Variants in MGST2 observed in about 807,000 individuals in gnomAD.
The protein encoded by MGST2 is microsomal glutathione S-transferase 2.
Under a neutral mutation model 16.6 loss-of-function variants are expected in MGST2, and 9 were observed. That is an observed-to-expected ratio of 0.54 (90% CI 0.33 to 0.95). The LOEUF (loss-of-function observed/expected upper bound fraction) is 0.95. Ranked by LOEUF, MGST2 falls within the 40% of genes least tolerant of loss-of-function variation. The pLI, the probability that MGST2 is intolerant of heterozygous loss-of-function variation, is 0.03. For missense variants in MGST2, 159 were observed against 175.1 expected (o/e 0.91, Z 0.52); for synonymous variants, 79 against 68.0 (o/e 1.16, Z -0.79).
intron 5 of MGST2, among the ~76,000 whole-genome samples, chr4:139,730,117 C>T (rs1164625562): frequency 6.6e-6 from 1 of 152,184 alleles, no homozygotes; most frequent in African/African-American, 2.4e-5. Context: ...TTACACAGAC[C>T]CCTGTACCAG....
chr4:139,674,577 C>A (rs1470454856), intron 1 of MGST2, among the ~76,000 whole-genome samples: 1 of 151,194 alleles, frequency 6.6e-6, no homozygotes, highest in African/African-American at 2.4e-5. Context: ...GTCAGGAGTT[C>A]AAGACCAGCC....
intron 5 of MGST2, chr4:139,730,400 C>G: frequency 6.5e-7 from 1 of 1,547,474 alleles, no homozygotes; most frequent in Non-Finnish European, 8.7e-7. Context: ...ATGAATCACG[C>G]CAAGGGGCAT....
intron 3 of MGST2, among the ~76,000 whole-genome samples, chr4:139,696,351 C>G (rs911069943): frequency 7.2e-5 from 11 of 152,104 alleles, no homozygotes; most frequent in African/African-American, 2.7e-4. Context: ...TCCACTGTTA[C>G]GTTTAGTTTC....
chr4:139,720,764 G>C (rs1728202839), intron 5 of MGST2, among the ~76,000 whole-genome samples: 1 of 152,174 alleles, frequency 6.6e-6, no homozygotes, highest in African/African-American at 2.4e-5. Context: ...TATTTTCTTT[G>C]GAGGTGAGAG....
chr4:139,719,391 A>T (rs1357707644), intron 5 of MGST2: 1 of 1,613,186 alleles, frequency 6.2e-7, no homozygotes, highest in Non-Finnish European at 8.5e-7. Context: ...TTGATGATGG[A>T]GTCCACAAGG....
intron 2 of MGST2, among the ~76,000 whole-genome samples, chr4:139,693,655 C>T (rs1437996735): frequency 1.3e-5 from 2 of 152,134 alleles, no homozygotes; most frequent in Non-Finnish European, 2.9e-5. Context: ...GAAGCAAAAT[C>T]ATGCCAAGAA....
At chr4:139,696,246 T>A (rs778168208) in intron 3 of MGST2, among the ~76,000 whole-genome samples, 11 of 152,144 alleles carry the variant, frequency 7.2e-5, no homozygotes, top group Non-Finnish European at 1.5e-4. Context: ...GAGACAGAAT[T>A]GGCAGGCGCA....
the MGST2 span, among the ~76,000 whole-genome samples, chr4:139,746,599 C>G: frequency 6.6e-6 from 1 of 152,164 alleles, no homozygotes; most frequent in African/African-American, 2.4e-5. Context: ...CCATCTGTCT[C>G]TCTCGCTCTG....
intron 5 of MGST2, chr4:139,730,832 GACC>G (rs1397744063): frequency 1.6e-6 from 1 of 634,844 alleles, no homozygotes; most frequent in African/African-American, 1.8e-5. Context: ...CTTCAAACCC[GACC>G]TTACCTGAGT....
intron 5 of MGST2, among the ~76,000 whole-genome samples, chr4:139,728,709 G>T (rs1047264962): frequency 6.6e-6 from 1 of 152,154 alleles, no homozygotes; most frequent in Non-Finnish European, 1.5e-5. Flanking sequence ...CCATGCTCTG[G>T]ATTCTGAGGG....
At chr4:139,718,635 A>T (rs1728093243) in intron 5 of MGST2, 1 of 152,214 alleles carries the variant, frequency 6.6e-6, no homozygotes, top group Admixed American at 6.5e-5. Context: ...CCTGCTCCAA[A>T]CTCAGCCTGC....
chr4:139,737,136 C>A (rs987689649), intron 5 of MGST2, among the ~76,000 whole-genome samples: 1 of 152,010 alleles, frequency 6.6e-6, no homozygotes, highest in Non-Finnish European at 1.5e-5. Context: ...ATCAGACATC[C>A]CTAGACTTAC....
chr4:139,738,694 A>G (rs1398994233), intron 5 of MGST2, among the ~76,000 whole-genome samples: 1 of 152,160 alleles, frequency 6.6e-6, no homozygotes, highest in Non-Finnish European at 1.5e-5. Flanking sequence ...GCAGAAAAGT[A>G]TAGATAGAAA....
chr4:139,703,963 C>T lies in MGST2; in HGVS notation c.312-53C>T, dbSNP rs886406831. 5 of 1,610,426 alleles carry T rather than the reference C, an allele frequency of 3.1e-6. No homozygotes were observed. The Admixed American group carries it at 8.3e-5, about 27-fold the overall frequency. On this transcript the variant is annotated intron_variant, in intron 4 of 4. Coordinates refer to ENST00000265498, the MANE Select transcript of MGST2 (RefSeq NM_002413.5). Reference sequence around the variant, plus strand: ...GGACAGCCTACCTCAGGACTCTCAGCTTCCTTATTACAGTCCAGTTTGTCA... The same window carrying T: ...GGACAGCCTACCTCAGGACTCTCAGTTTCCTTATTACAGTCCAGTTTGTCA...
downstream of MGST2, chr4:139,704,262 T>C: frequency 3.1e-6 from 4 of 1,307,208 alleles, no homozygotes; most frequent in South Asian, 4.9e-5. Context: ...AATGGCTTTG[T>C]AGAAACACAC....
intron 5 of MGST2, among the ~76,000 whole-genome samples, chr4:139,721,324 C>T (rs1311962338): frequency 6.6e-6 from 1 of 152,120 alleles, no homozygotes; most frequent in East Asian, 1.9e-4. Context: ...CACCAGTCAA[C>T]GTTGCAAAGG....
the MGST2 span, among the ~76,000 whole-genome samples, chr4:139,748,794 G>C: frequency 3.9e-5 from 6 of 152,132 alleles, no homozygotes; most frequent in African/African-American, 1.4e-4. Flanking sequence ...AGAAAGGCAG[G>C]GAAAAGTGAA....
intron 2 of MGST2, among the ~76,000 whole-genome samples, chr4:139,691,548 C>A (rs970006574): frequency 6.6e-6 from 1 of 151,972 alleles, no homozygotes; most frequent in South Asian, 2.1e-4. Flanking sequence ...GAGGAGGTGA[C>A]AATTAGCAGG....
chr4:139,745,801 A>T, the MGST2 span, among the ~76,000 whole-genome samples: 1 of 152,228 alleles, frequency 6.6e-6, no homozygotes, highest in Non-Finnish European at 1.5e-5. Flanking sequence ...CTGGTTTTTG[A>T]CAGGGAGTAG....
Sources: gnomAD v4.1 joint callset for allele counts (sites outside exome capture counted in the v4.1 genomes callset) on GRCh38, gnomAD v4.1.1 for gene constraint, MANE v1.5 for transcripts, NCBI Gene and HGNC (gene_info 2026-07-23, HGNC 2026-07-21) for gene names.